The following ZC3H7A variants were observed in gnomAD, a reference collection of about 807,000 sequenced individuals.
ZC3H7A encodes zinc finger CCCH domain-containing protein 7A.
In ZC3H7A, 44 loss-of-function variants were observed where a neutral mutation model predicts 125.5. That is an observed-to-expected ratio of 0.35 (90% CI 0.28 to 0.45). ZC3H7A has a LOEUF of 0.45. ZC3H7A is among the 20% of genes least tolerant of loss of function. The probability of loss-of-function intolerance (pLI) is 1.00; values close to 1 mark genes in which losing one functional copy is unlikely to be tolerated. For missense variants in ZC3H7A, 977 were observed against 1,170.7 expected (o/e 0.83, Z 2.41); for synonymous variants, 399 against 391.2 (o/e 1.02, Z -0.23).
intron 7 of ZC3H7A, chr16:11,775,768 T>A (rs1348150698): frequency 6.6e-6 from 1 of 152,288 alleles, no homozygotes; most frequent in Non-Finnish European, 1.5e-5. Flanking sequence ...AAACCTAACA[T>A]CTATTAACAT....
chr16:11,783,681 C>T (rs1381424749), intron 1 of ZC3H7A, among the ~76,000 whole-genome samples: 1 of 152,180 alleles, frequency 6.6e-6, no homozygotes, highest in African/African-American at 2.4e-5. Flanking sequence ...CGTATTTGGA[C>T]CCAGGTGACA....
At chr16:11,757,777 G>T (rs984011973) in intron 20 of ZC3H7A, among the ~76,000 whole-genome samples, 3 of 152,156 alleles carry the variant, frequency 2.0e-5, no homozygotes, top group Admixed American at 6.5e-5. Context: ...ACACACCACT[G>T]ACGATCTATG....
At chr16:11,796,798 A>T (rs2053445743) in intron 1 of ZC3H7A, 1 of 152,064 alleles carries the variant, frequency 6.6e-6, no homozygotes, top group Non-Finnish European at 1.5e-5. Flanking sequence ...GCAGACAGAA[A>T]TAACCAAAAA....
At chr16:11,781,763 G>T (rs1470246991) in intron 2 of ZC3H7A, among the ~76,000 whole-genome samples, 1 of 151,758 alleles carries the variant, frequency 6.6e-6, no homozygotes, top group Admixed American at 6.6e-5. Flanking sequence ...TGCCAAAAAA[G>T]AGGTTAAAAA....
chr16:11,793,969 G>A (rs775692674), intron 1 of ZC3H7A, among the ~76,000 whole-genome samples: 5 of 152,208 alleles, frequency 3.3e-5, no homozygotes, highest in African/African-American at 4.8e-5. Flanking sequence ...TACAAAGTCT[G>A]TGAAGAGCCT....
rs1318823694 is a variant in ZC3H7A, at chr16:11,767,577, G to T, written c.1362C>A (p.Gly454=). 15 of 1,557,794 alleles carry T rather than the reference G, an allele frequency of 9.6e-6. No homozygotes were observed. In the Admixed American group the frequency reaches 2.2e-4, roughly 23 times the overall value. Residue 454 remains glycine (G), a splice_region_variant and synonymous_variant, in exon 13 of 23, where the codon GGC becomes GGA. Transcript: ENST00000355758. ...GGTAAGTGAAATCCATTAACTTAGG[G>T]CCTGAAAAAGATGTAAAGAGGATTG... ...QACQICFVKS[G]PKLMDFTYHA...
At chr16:11,774,180 A>T in intron 9 of ZC3H7A, 56 bp downstream of exon 9, 1 of 1,436,332 alleles carries the variant, frequency 7.0e-7, no homozygotes, top group Non-Finnish European at 9.2e-7. Flanking sequence ...TTATATTACA[A>T]TTTTTAAAAA....
chr16:11,777,574 T>C (rs566696983), intron 4 of ZC3H7A, among the ~76,000 whole-genome samples: 18 of 150,752 alleles, frequency 1.2e-4, no homozygotes, highest in Non-Finnish European at 2.1e-4. Context: ...ATACAAAAAT[T>C]AGCCAGGCGT....
chr16:11,768,771 A>G (rs2052915261), intron 11 of ZC3H7A, among the ~76,000 whole-genome samples: 1 of 152,054 alleles, frequency 6.6e-6, no homozygotes, highest in Non-Finnish European at 1.5e-5. Flanking sequence ...ACATGCCCCG[A>G]TCTTATATTT....
At chr16:11,758,661 T>G in intron 19 of ZC3H7A, 122 bp from the exon 20 acceptor site, 2 of 648,016 alleles carry the variant, frequency 3.1e-6, no homozygotes, top group Non-Finnish European at 5.3e-6. Flanking sequence ...AATTCTAAAG[T>G]AAGATTAATT....
chr16:11,766,945 A>G (rs1251305533), intron 13 of ZC3H7A, among the ~76,000 whole-genome samples: 2 of 152,214 alleles, frequency 1.3e-5, no homozygotes, highest in South Asian at 2.1e-4. Context: ...TCTCAATCCA[A>G]GGAACTTGCT....
In ZC3H7A at chr16:11,760,227, C is replaced by T. The variant is rs552610777; in HGVS notation, c.2319+1179G>A. 2.7e-5 allele frequency among the ~76,000 whole-genome samples: 4 copies of T among 149,582 alleles called. No homozygotes were observed. In the South Asian group the frequency reaches 8.4e-4, roughly 32 times the overall value. On this transcript the variant is annotated intron_variant, in intron 19 of 22. Transcript: ENST00000355758. ...GCTACTGTAATGTTGCACAGTAGTA[C>T]ACCATGTTCAAAATTAAAGAATAAC...
At chr16:11,773,665 G>A (rs754015176) in intron 9 of ZC3H7A, among the ~76,000 whole-genome samples, 6 of 151,816 alleles carry the variant, frequency 4.0e-5, no homozygotes, top group Middle Eastern at 3.4e-3. Flanking sequence ...GGTGGATCAC[G>A]AGGTCAGGAG....
chr16:11,753,455 T>C (rs1445280642), intron 21 of ZC3H7A, among the ~76,000 whole-genome samples: 4 of 152,162 alleles, frequency 2.6e-5, no homozygotes, highest in Non-Finnish European at 1.5e-5. Context: ...ATTACTTTAT[T>C]TTTTTAGAGA....
At position 11,751,261 on chromosome 16, in the gene ZC3H7A, C is replaced by G; in HGVS notation, c.*56G>C. The stretch of plus-strand genomic sequence containing the variant: ...CTCCTCTGCTATGTGCCTCAGAACA[C>G]TTTCAATTTTTCTGGTCAATGCTCT... On this transcript the variant is annotated 3_prime_UTR_variant, in exon 23 of 23. Transcript: ENST00000355758. 6.6e-7 allele frequency: 1 copy of G among 1,524,860 alleles called. No individual in the cohort carries two copies. Among genetic ancestry groups the G allele is most frequent in the South Asian group, 1.3e-5 (1 of 78,586 alleles). The allele number at this position is 1,524,860 out of a possible 1,614,324, so 94.5% of individuals were successfully genotyped here.
chr16:11,784,629 T>C (rs892803989), intron 1 of ZC3H7A, among the ~76,000 whole-genome samples: 1 of 151,420 alleles, frequency 6.6e-6, no homozygotes, highest in Non-Finnish European at 1.5e-5. Flanking sequence ...CCGAGGCGAG[T>C]GGATCACCCA....
In ZC3H7A at chr16:11,751,146, C is replaced by T; in HGVS notation, c.*171G>A. On this transcript the variant is annotated 3_prime_UTR_variant, in exon 23 of 23. Coordinates refer to ENST00000355758, the MANE Select transcript of ZC3H7A (RefSeq NM_014153.4). ...TGCCAGTGGTTCCGTGAGAGCGTGG[C>T]CAGGCCTGTGAAACAGCCCATTTTC... 1 of 627,116 alleles carries T rather than the reference C, an allele frequency of 1.6e-6. No homozygotes were observed. Among genetic ancestry groups the T allele is most frequent in the Non-Finnish European group, 2.6e-6 (1 of 379,426 alleles). The allele number at this position is 627,116 out of a possible 1,614,324, so 38.8% of individuals were successfully genotyped here. A position where few individuals can be genotyped will look rare whatever the true frequency, so the allele number is the denominator to read the frequency against.
intron 1 of ZC3H7A, among the ~76,000 whole-genome samples, chr16:11,787,459 T>TTTTTG (rs995832633): frequency 2.0e-5 from 3 of 152,014 alleles, no homozygotes; most frequent in African/African-American, 7.2e-5. Flanking sequence ...TGTGTGTGTG[T>TTTTTG]TTTTGTTTTG....
At chr16:11,785,765 G>A (rs1168891018) in intron 1 of ZC3H7A, among the ~76,000 whole-genome samples, 1 of 152,000 alleles carries the variant, frequency 6.6e-6, no homozygotes, top group Non-Finnish European at 1.5e-5. Context: ...GACTACAGGC[G>A]CCCGCCACCA....
Sources: allele counts gnomAD v4.1 joint callset (sites outside exome capture counted in the v4.1 genomes callset), GRCh38; gene constraint gnomAD v4.1.1; transcripts MANE v1.5; gene names NCBI Gene and HGNC (gene_info 2026-07-23, HGNC 2026-07-21).